The following SYNPR variants were observed in gnomAD, a reference collection of about 807,000 sequenced individuals.
SYNPR encodes synaptoporin.
Under a neutral mutation model 32.9 loss-of-function variants are expected in SYNPR, and 23 were observed. That is an observed-to-expected ratio of 0.70 (90% confidence interval 0.50 to 0.99). The LOEUF is 0.99. SYNPR is among the 50% of genes least tolerant of loss of function. The pLI is 0.00. For synonymous variants in SYNPR, 146 were observed against 135.9 expected, an observed-to-expected ratio of 1.07 and a Z score of -0.52; for missense variants, 318 against 349.3, an observed-to-expected ratio of 0.91 and a Z score of 0.71.
At chr3:63,210,464 T>A in the SYNPR span, among the ~76,000 whole-genome samples, 1 of 152,248 alleles carries the variant, frequency 6.6e-6, no homozygotes, top group Non-Finnish European at 1.5e-5. Flanking sequence ...TTCCTCTTTA[T>A]CTGAGGATTA....
intron 5 of SYNPR, among the ~76,000 whole-genome samples, chr3:63,609,726 G>T (rs1700171777): frequency 6.6e-6 from 1 of 152,102 alleles, no homozygotes; most frequent in Non-Finnish European, 1.5e-5. Context: ...GGCCAACATG[G>T]TGAAACCCTG....
intron 2 of SYNPR, among the ~76,000 whole-genome samples, chr3:63,470,670 C>G (rs140363697): frequency 1.4e-3 from 213 of 152,244 alleles, no homozygotes; most frequent in African/African-American, 4.9e-3. Flanking sequence ...ACAGTGGAGG[C>G]TAACTGACTC....
intron 2 of SYNPR, among the ~76,000 whole-genome samples, chr3:63,295,266 G>A (rs1355858254): frequency 8.5e-5 from 13 of 152,146 alleles, no homozygotes; most frequent in Admixed American, 8.5e-4. Flanking sequence ...CCTGTGCTAA[G>A]TATTTTCTAC....
intron 2 of SYNPR, among the ~76,000 whole-genome samples, chr3:63,293,835 C>T (rs1240245389): frequency 1.3e-5 from 2 of 151,924 alleles, no homozygotes; most frequent in Non-Finnish European, 2.9e-5. Flanking sequence ...TGACGCCAGT[C>T]ATATTGAATT....
At chr3:63,234,501 G>A (rs1048312682) in intron 1 of SYNPR, among the ~76,000 whole-genome samples, 5 of 152,096 alleles carry the variant, frequency 3.3e-5, no homozygotes, top group African/African-American at 1.2e-4. Flanking sequence ...GGGTCAAGAT[G>A]GAAGAAAATG....
At chr3:63,274,919 A>G (rs981429609), upstream of SYNPR, among the ~76,000 whole-genome samples, 1 of 152,126 alleles carries the variant, frequency 6.6e-6, no homozygotes, top group African/African-American at 2.4e-5. Context: ...ATCACCCTCT[A>G]TTGAGAACCA....
At chr3:63,486,726 A>T (rs1701162527) in intron 3 of SYNPR, among the ~76,000 whole-genome samples, 1 of 152,224 alleles carries the variant, frequency 6.6e-6, no homozygotes, top group African/African-American at 2.4e-5. Flanking sequence ...ATCATATTAT[A>T]TAGTATTACT....
At chr3:63,607,639 C>T (rs1001816822) in intron 4 of SYNPR, among the ~76,000 whole-genome samples, 7 of 152,220 alleles carry the variant, frequency 4.6e-5, no homozygotes, top group East Asian at 1.9e-4. Context: ...ATGGGTCACA[C>T]ATTGGCCCTT....
intron 3 of SYNPR, among the ~76,000 whole-genome samples, chr3:63,526,565 A>G (rs892424061): frequency 2.6e-5 from 4 of 152,224 alleles, no homozygotes; most frequent in Admixed American, 6.5e-5. Flanking sequence ...TTTATGATCT[A>G]TTAAGGGCAA....
intron 3 of SYNPR, among the ~76,000 whole-genome samples, chr3:63,549,759 A>G (rs1702469801): frequency 6.6e-6 from 1 of 152,026 alleles, no homozygotes; most frequent in Non-Finnish European, 1.5e-5. Context: ...GGGACTCAAT[A>G]TTTTCTTTAA....
intron 2 of SYNPR, among the ~76,000 whole-genome samples, chr3:63,362,621 T>G (rs926658764): frequency 6.6e-6 from 1 of 152,192 alleles, no homozygotes; most frequent in African/African-American, 2.4e-5. Flanking sequence ...AATAATTATA[T>G]AGCAATGACT....
intron 4 of SYNPR, among the ~76,000 whole-genome samples, chr3:63,596,883 C>T (rs78649463): frequency 5.3e-5 from 8 of 152,170 alleles, no homozygotes; most frequent in Non-Finnish European, 8.8e-5. Flanking sequence ...AATAGGATAG[C>T]ACTAGTAACA....
chr3:63,529,743 T>C (rs1390020058), intron 3 of SYNPR, among the ~76,000 whole-genome samples: 1 of 152,232 alleles, frequency 6.6e-6, no homozygotes, highest in African/African-American at 2.4e-5. Flanking sequence ...GATTGGATTT[T>C]GGAAGCCAAC....
upstream of SYNPR, among the ~76,000 whole-genome samples, chr3:63,227,217 C>G (rs1408007508): frequency 2.0e-5 from 3 of 152,168 alleles, no homozygotes; most frequent in Admixed American, 1.3e-4. Flanking sequence ...ATGGATTGCT[C>G]CAGACAGAGA....
intron 2 of SYNPR, among the ~76,000 whole-genome samples, chr3:63,327,440 A>G (rs564839567): frequency 6.6e-6 from 1 of 152,262 alleles, no homozygotes; most frequent in South Asian, 2.1e-4. Context: ...ATATCTAGCT[A>G]TATGTATTAT....
At chr3:63,408,980 C>T (rs182729389) in intron 2 of SYNPR, among the ~76,000 whole-genome samples, 1 of 152,220 alleles carries the variant, frequency 6.6e-6, no homozygotes, top group East Asian at 1.9e-4. Context: ...TACCAACCTC[C>T]ATAAGATCTT....
chr3:63,275,954 C>CA (rs1156890950), upstream of SYNPR, among the ~76,000 whole-genome samples: 3 of 152,106 alleles, frequency 2.0e-5, no homozygotes, highest in Non-Finnish European at 4.4e-5. Flanking sequence ...GCTGTGTTAT[C>CA]AGTCGGCTTA....
At position 63,499,927 on chromosome 3, in the gene SYNPR, T is replaced by C. The variant is rs1326395047; in HGVS notation, c.209+18971T>C. ...TAATCACACACACACACACAAAAAC[T>C]GTTTTGTAAAGTCAAAATGGAAGGC... On this transcript the variant is annotated intron_variant, in intron 3 of 5. Transcript: ENST00000478300. Among the ~76,000 whole-genome samples, 3 of 151,526 alleles carry C rather than the reference T, an allele frequency of 2.0e-5. No individual in the cohort carries two copies. In the East Asian group the frequency reaches 5.8e-4, roughly 29 times the overall value.
At chr3:63,413,248 G>A (rs1560222897) in intron 2 of SYNPR, among the ~76,000 whole-genome samples, 2 of 152,078 alleles carry the variant, frequency 1.3e-5, no homozygotes, top group South Asian at 4.2e-4. Context: ...CTCTTTAATT[G>A]ATGCATATTG....
Sources: gnomAD v4.1 joint callset for allele counts (sites outside exome capture counted in the v4.1 genomes callset) on GRCh38, gnomAD v4.1.1 for gene constraint, MANE v1.5 for transcripts, NCBI Gene and HGNC (gene_info 2026-07-23, HGNC 2026-07-21) for gene names.